Variants in DNAJC5 observed in about 807,000 individuals in gnomAD.
The protein encoded by DNAJC5 is DnaJ heat shock protein family (Hsp40) member C5.
A neutral mutation model predicts 23.2 loss-of-function variants in DNAJC5; 1 was observed. That is an observed-to-expected ratio of 0.04 (90% confidence interval 0.02 to 0.20). DNAJC5 has a LOEUF of 0.20. Among genes scored for constraint, DNAJC5 ranks in the 10% least tolerant of loss-of-function variants. DNAJC5 has a pLI of 1.00. For missense variants in DNAJC5, 180 were observed against 267.0 expected, an observed-to-expected ratio of 0.67 and a Z score of 2.27; for synonymous variants, 136 against 120.0, an observed-to-expected ratio of 1.13 and a Z score of -0.87.
Position 63,928,296 on chromosome 20 carries a change from C to G in DNAJC5, c.-11-39C>G, listed in dbSNP as rs759341176. On this transcript the variant is annotated intron_variant, in intron 1 of 4. Transcript: ENST00000360864. The surrounding 1 kb of genome is among the most constrained non-coding windows in gnomAD (Gnocchi z 4.6). ...TCAGCTCTGCCCTTGGTACTTTCAT[C>G]TATACTTTGTGATACTTTCTTTTTA... 6.5e-7 allele frequency: 1 copy of G among 1,537,520 alleles called. No individual in the cohort carries two copies. The highest frequency in any genetic ancestry group is 9.0e-7 in the Non-Finnish European group (1 of 1,114,740).
At chr20:63,909,957 T>A (rs955962095) in intron 1 of DNAJC5, among the ~76,000 whole-genome samples, 2 of 152,188 alleles carry the variant, frequency 1.3e-5, no homozygotes, top group Non-Finnish European at 2.9e-5. Flanking sequence ...GTCTTTCATA[T>A]TTGGGACTGT....
At position 63,929,627 on chromosome 20, in the gene DNAJC5, C is replaced by A. The variant is rs926076708; in HGVS notation, c.321+102C>A. The A allele has an allele frequency of 1.7e-5, 20 of 1,164,500 alleles. No homozygotes were observed. The African/African-American group carries it at 3.0e-4, about 17-fold the overall frequency. The allele number at this position is 1,164,500 out of a possible 1,614,324, so 72.1% of individuals were successfully genotyped here. A position where few individuals can be genotyped will look rare whatever the true frequency, so the allele number is the denominator to read the frequency against. The stretch of plus-strand genomic sequence containing the variant: ...GGGCACCCGAGTCACTCCTGCCGTG[C>A]GGGCACCCGAGTCTCTCCTGCCGTG... On this transcript the variant is annotated intron_variant, in intron 3 of 4. Coordinates refer to ENST00000360864, the MANE Select transcript of DNAJC5 (RefSeq NM_025219.3). This position sits in a 1 kb window ranked among gnomAD's most constrained non-coding sequence, Gnocchi z 8.6.
intron 1 of DNAJC5, among the ~76,000 whole-genome samples, chr20:63,904,316 T>TA (rs2053433373): frequency 6.6e-6 from 1 of 152,208 alleles, no homozygotes; most frequent in Non-Finnish European, 1.5e-5. Flanking sequence ...AATTACCTCT[T>TA]ACGATGTGGT....
intron 1 of DNAJC5, among the ~76,000 whole-genome samples, chr20:63,918,618 C>T (rs529860505): frequency 3.0e-4 from 45 of 152,210 alleles, no homozygotes; most frequent in African/African-American, 9.4e-4. Flanking sequence ...TTTTTTGAGA[C>T]GGAGTCTCGC....
intron 1 of DNAJC5, chr20:63,919,295 C>T (rs2053542508): frequency 2.3e-6 from 1 of 443,054 alleles, no homozygotes; most frequent in African/African-American, 2.0e-5. Context: ...GCTCTGAGAA[C>T]AGAGCGAGGC....
rs576872398 is a variant in DNAJC5, at chr20:63,930,327, C to T, written c.322-524C>T. ...AGAACTGCAGGAGTTGAGGCGTGAA[C>T]CACTGTGCCCAGCCTGGAGGCTGCT... On this transcript the variant is annotated intron_variant, in intron 3 of 4. Coordinates refer to ENST00000360864, the MANE Select transcript of DNAJC5 (RefSeq NM_025219.3). Among the ~76,000 whole-genome samples, 10 of 152,226 alleles carry T rather than the reference C, an allele frequency of 6.6e-5. No individual in the cohort carries two copies. The East Asian group carries it at 1.9e-3, about 29-fold the overall frequency.
Position 63,930,897 on chromosome 20 carries a change from G to C in DNAJC5, c.368G>C (p.Cys123Ser). The C allele has an allele frequency of 6.2e-7, 1 of 1,613,978 alleles. No individual in the cohort carries two copies. The highest frequency in any genetic ancestry group is 8.5e-7 in the Non-Finnish European group (1 of 1,180,032). Residue 123 changes from cysteine to serine, a missense_variant, in exon 4 of 5, where the codon TGC becomes TCC. Cys to Ser is a moderately radical substitution (Grantham distance 112). Transcript: ENST00000360864. ...CGLLTCCYCC[C>S]CLCCCFNCCC... ...CTCCTCACGTGCTGCTACTGCTGCT[G>C]CTGTCTGTGCTGCTGCTTCAACTGC...
intron 1 of DNAJC5, among the ~76,000 whole-genome samples, chr20:63,925,825 G>GT (rs376376541): frequency 0.022 from 2,687 of 123,918 alleles, 50 homozygotes; most frequent in Non-Finnish European, 0.03. Flanking sequence ...ATTTTATCTG[G>GT]TTTTTTTTTT....
chr20:63,925,713 C>G (rs538170908), intron 1 of DNAJC5, among the ~76,000 whole-genome samples: 1 of 151,132 alleles, frequency 6.6e-6, no homozygotes, highest in East Asian at 2.0e-4. Context: ...ACCGAGATCG[C>G]GTCACCGCAC....
rs541613792 is a variant in DNAJC5 at position 63,931,307 on chromosome 20, C to G, written c.494-158C>G. 5.9e-6 allele frequency: 5 copies of G among 853,108 alleles called. No individual in the cohort carries two copies. Among genetic ancestry groups the G allele is most frequent in the South Asian group, 4.4e-5 (3 of 67,914 alleles). The allele number at this position is 853,108 out of a possible 1,614,324, so 52.8% of individuals were successfully genotyped here. On this transcript the variant is annotated intron_variant, in intron 4 of 4. Coordinates refer to ENST00000360864, the MANE Select transcript of DNAJC5 (RefSeq NM_025219.3). This position sits in a 1 kb window ranked among gnomAD's most constrained non-coding sequence, Gnocchi z 9.6. Reference sequence around the variant, plus strand: ...CTGAGGGCCGAGGGCTGGCGGTGACCCAAGGCGACGGAGGAAAGCCGTGTG... The same window carrying G: ...CTGAGGGCCGAGGGCTGGCGGTGACGCAAGGCGACGGAGGAAAGCCGTGTG...
At chr20:63,922,298 TA>T (rs1251469187) in intron 1 of DNAJC5, among the ~76,000 whole-genome samples, 2 of 151,734 alleles carry the variant, frequency 1.3e-5, no homozygotes, top group East Asian at 3.9e-4. Context: ...CCATCTGTAC[TA>T]AAAATACAAA....
intron 1 of DNAJC5, among the ~76,000 whole-genome samples, chr20:63,903,483 T>A (rs1329864359): frequency 6.6e-6 from 1 of 151,776 alleles, no homozygotes; most frequent in African/African-American, 2.4e-5. Flanking sequence ...GATTTTTGTA[T>A]TTTTTAGTAG....
intron 1 of DNAJC5, among the ~76,000 whole-genome samples, chr20:63,909,274 C>A (rs1010370707): frequency 6.6e-6 from 1 of 151,410 alleles, no homozygotes; most frequent in Non-Finnish European, 1.5e-5. Context: ...CCGAGGCGGG[C>A]GGATCCCAAG....
intron 1 of DNAJC5, among the ~76,000 whole-genome samples, chr20:63,906,791 A>AAATT (rs753445144): frequency 6.6e-6 from 1 of 151,424 alleles, no homozygotes; most frequent in South Asian, 2.1e-4. Context: ...GTCTCAAAAA[A>AAATT]AATTAATTAA....
At chr20:63,926,829 C>T (rs1483133635) in intron 1 of DNAJC5, among the ~76,000 whole-genome samples, 2 of 152,228 alleles carry the variant, frequency 1.3e-5, no homozygotes, top group Non-Finnish European at 2.9e-5. Flanking sequence ...AAGAAACACC[C>T]TCCCAGGCAC....
chr20:63,897,615 G>A (rs1388641789), intron 1 of DNAJC5, among the ~76,000 whole-genome samples: 1 of 152,160 alleles, frequency 6.6e-6, no homozygotes, highest in Non-Finnish European at 1.5e-5. Flanking sequence ...TGGTAATAAT[G>A]CTTTTAGAAA....
At chr20:63,908,477 T>C (rs990258091) in intron 1 of DNAJC5, among the ~76,000 whole-genome samples, 3 of 152,144 alleles carry the variant, frequency 2.0e-5, no homozygotes, top group Non-Finnish European at 4.4e-5. Flanking sequence ...CACTGTACAG[T>C]GGGGTGGAGC....
At chr20:63,921,667 GGCAGCTCGTCACTT>G (rs1347726853) in intron 1 of DNAJC5, among the ~76,000 whole-genome samples, 1 of 152,068 alleles carries the variant, frequency 6.6e-6, no homozygotes, top group Non-Finnish European at 1.5e-5. Context: ...TAACGCTGAT[GGCAGCTCGTCACTT>G]GCAGCAGGTT....
intron 1 of DNAJC5, among the ~76,000 whole-genome samples, chr20:63,917,715 C>T (rs536917023): frequency 2.0e-5 from 3 of 151,690 alleles, no homozygotes; most frequent in South Asian, 2.1e-4. Context: ...GCCATCACAC[C>T]GAGGTAATTT....
Sources: gnomAD v4.1 joint callset for allele counts (sites outside exome capture counted in the v4.1 genomes callset) on GRCh38, gnomAD v4.1.1 for gene constraint, Gnocchi (gnomAD v3.1) non-coding constraint, MANE v1.5 for transcripts, NCBI Gene and HGNC (gene_info 2026-07-23, HGNC 2026-07-21) for gene names.